Variants in LY86 observed in about 807,000 individuals in gnomAD.
LY86 encodes the protein lymphocyte antigen 86.
In LY86, 20 loss-of-function variants were observed where a neutral mutation model predicts 17.3. That is an observed-to-expected ratio of 1.15 (90% confidence interval 0.81 to 1.68). The LOEUF (loss-of-function observed/expected upper bound fraction) is 1.68. Ranked by LOEUF, LY86 falls within the 40% of genes most tolerant of loss-of-function variation. LY86 has a pLI of 0.00. For missense variants in LY86, 200 were observed against 191.9 expected (o/e 1.04, Z -0.25); for synonymous variants, 74 against 70.6 (o/e 1.05, Z -0.24).
chr6:6,605,442 C>T (rs1373346956), intron 1 of LY86, among the ~76,000 whole-genome samples: 2 of 152,212 alleles, frequency 1.3e-5, no homozygotes, highest in Non-Finnish European at 1.5e-5. Flanking sequence ...GCTTTCATGC[C>T]CACTCACAGG....
At chr6:6,591,896 A>G (rs1760541912) in intron 1 of LY86, among the ~76,000 whole-genome samples, 1 of 152,306 alleles carries the variant, frequency 6.6e-6, no homozygotes, top group East Asian at 1.9e-4. Context: ...GGGACCAGGC[A>G]CAGGGTTCAG....
intron 3 of LY86, among the ~76,000 whole-genome samples, chr6:6,637,444 C>T (rs3804483): frequency 0.29 from 44,630 of 152,018 alleles, 6,761 homozygotes; most frequent in Middle Eastern, 0.38. Context: ...TTCCTTGAGC[C>T]CAGCATACTA....
chr6:6,649,824 A>G, intron 4 of LY86, 147 bp downstream of exon 4: 1 of 631,266 alleles, frequency 1.6e-6, no homozygotes, highest in Non-Finnish European at 2.8e-6. Context: ...CATCCCTGCA[A>G]AAACCCTTTC....
intron 1 of LY86, among the ~76,000 whole-genome samples, chr6:6,618,866 A>G (rs1418229325): frequency 1.3e-5 from 2 of 152,224 alleles, no homozygotes; most frequent in Non-Finnish European, 2.9e-5. Flanking sequence ...ATCAGGACAT[A>G]ATAGAAAACC....
chr6:6,609,846 T>TA (rs200228695), intron 1 of LY86, among the ~76,000 whole-genome samples: 8,624 of 150,792 alleles, frequency 0.057, 580 homozygotes, highest in African/African-American at 0.16. Flanking sequence ...CCATTAAAAT[T>TA]TAAAAAAAAA....
chr6:6,612,139 A>C (rs1561783053), intron 1 of LY86, among the ~76,000 whole-genome samples: 2 of 152,018 alleles, frequency 1.3e-5, no homozygotes, highest in African/African-American at 4.8e-5. Context: ...ACAACTCCTA[A>C]GATTGATAGA....
chr6:6,606,689 A>G (rs1170212857), intron 1 of LY86, among the ~76,000 whole-genome samples: 2 of 152,182 alleles, frequency 1.3e-5, no homozygotes, highest in Admixed American at 1.3e-4. Flanking sequence ...GCCCCTCACT[A>G]CCCGGGGCTT....
chr6:6,604,195 TCA>T (rs1228214940), intron 1 of LY86, among the ~76,000 whole-genome samples: 1 of 152,088 alleles, frequency 6.6e-6, no homozygotes, highest in Non-Finnish European at 1.5e-5. Flanking sequence ...AACCATAAGC[TCA>T]CAGTCCAAAA....
At chr6:6,642,254 C>A (rs1762050296) in intron 3 of LY86, among the ~76,000 whole-genome samples, 1 of 152,248 alleles carries the variant, frequency 6.6e-6, no homozygotes, top group South Asian at 2.1e-4. Flanking sequence ...CTGAGCCAGG[C>A]ACATTCTGTG....
Position 6,626,294 on chromosome 6 carries a change from A to T in LY86, c.225A>T (p.Arg75Ser). ...AAGCTGTTCTTCTCTTTCCTCCAGG[A>T]GAGGACATCAAAGAGCTTTTTCTTG... ...NINIRFGIIL[R>S]EDIKELFLDL... The change falls in exon 3 of 5, where the codon AGA becomes AGT. Residue 75 changes from arginine (R) to serine (S), a missense_variant and splice_region_variant. Physicochemically the swap from Arg to Ser is moderately radical, Grantham distance 110. Coordinates refer to ENST00000230568, the MANE Select transcript of LY86 (RefSeq NM_004271.4). 6.2e-7 allele frequency: 1 copy of T among 1,613,768 alleles called. No homozygotes were observed. Among genetic ancestry groups the T allele is most frequent in the Non-Finnish European group, 8.5e-7 (1 of 1,179,944 alleles).
In LY86 at chr6:6,612,346, A is replaced by C. The variant is rs544655427; in HGVS notation, c.137-12580A>C. ...ACTGCAGACCCTCGCAGTAAGCATT[A>C]CACTTCTTAAGGTGATACATTTGGA... On this transcript the variant is annotated intron_variant, in intron 1 of 4. Transcript: ENST00000230568. Among the ~76,000 whole-genome samples, 41 of 152,308 alleles carry C rather than the reference A, an allele frequency of 2.7e-4. No homozygotes were observed. In the South Asian group the frequency reaches 8.3e-3, roughly 31 times the overall value.
intron 1 of LY86, chr6:6,621,080 G>A (rs1471847772): frequency 1.3e-5 from 2 of 152,148 alleles, no homozygotes; most frequent in Admixed American, 6.5e-5. Context: ...AAGTCAACAG[G>A]ACAGACAGCA....
chr6:6,592,618 G>A (rs1422124407), intron 1 of LY86, among the ~76,000 whole-genome samples: 1 of 152,200 alleles, frequency 6.6e-6, no homozygotes, highest in Non-Finnish European at 1.5e-5. Flanking sequence ...AGCATTAGAA[G>A]GTGGGGCCTT....
intron 3 of LY86, among the ~76,000 whole-genome samples, chr6:6,628,986 C>T (rs942121052): frequency 6.6e-6 from 1 of 152,120 alleles, no homozygotes; most frequent in African/African-American, 2.4e-5. Flanking sequence ...TTTTTGCCTG[C>T]GTATGGTTTT....
intron 3 of LY86, among the ~76,000 whole-genome samples, chr6:6,639,963 A>G (rs548150260): frequency 5.0e-4 from 76 of 152,342 alleles, no homozygotes; most frequent in Non-Finnish European, 9.3e-4. Flanking sequence ...TAGAAGTCCA[A>G]CAACTCTGAG....
chr6:6,641,413 G>A (rs1762038043), intron 3 of LY86, among the ~76,000 whole-genome samples: 1 of 152,136 alleles, frequency 6.6e-6, no homozygotes, highest in African/African-American at 2.4e-5. Flanking sequence ...GCTTCCTCCA[G>A]TCCCTCTTTT....
At chr6:6,642,194 A>G (rs1762049591) in intron 3 of LY86, among the ~76,000 whole-genome samples, 1 of 152,246 alleles carries the variant, frequency 6.6e-6, no homozygotes, top group African/African-American at 2.4e-5. Context: ...GTCCTTGGCT[A>G]CAGGCCCTGA....
At chr6:6,634,834 G>A (rs1761939820) in intron 3 of LY86, among the ~76,000 whole-genome samples, 1 of 152,196 alleles carries the variant, frequency 6.6e-6, no homozygotes, top group Admixed American at 6.5e-5. Flanking sequence ...GGAAATGAAG[G>A]GAATTTGGGG....
intron 1 of LY86, 30 bp from the exon 2 acceptor site, chr6:6,624,896 G>T (rs372994760): frequency 4.7e-6 from 5 of 1,055,902 alleles, no homozygotes; most frequent in Non-Finnish European, 7.2e-6. Context: ...CGATGTACTC[G>T]CAACTAATCT....
Sources: gnomAD v4.1 joint callset for allele counts (sites outside exome capture counted in the v4.1 genomes callset) on GRCh38, gnomAD v4.1.1 for gene constraint, MANE v1.5 for transcripts, NCBI Gene and HGNC (gene_info 2026-07-23, HGNC 2026-07-21) for gene names.